The following HPSE2 variants were observed in gnomAD, a reference collection of about 807,000 sequenced individuals.
HPSE2 encodes the protein inactive heparanase-2.
HPSE2 carries 38 observed loss-of-function variants against 60.5 expected under a neutral mutation model. The observed-to-expected ratio is 0.63, with a 90% CI of 0.48 to 0.82. The LOEUF is 0.82. Among genes scored for constraint, HPSE2 ranks in the 40% least tolerant of loss-of-function variants. HPSE2 has a pLI of 0.00. For synonymous variants in HPSE2, 295 were observed against 293.2 expected, an observed-to-expected ratio of 1.01 and a Z score of -0.06; for missense variants, 713 against 740.4, an observed-to-expected ratio of 0.96 and a Z score of 0.43.
At chr10:99,065,182 G>T (rs947749385) in intron 3 of HPSE2, among the ~76,000 whole-genome samples, 1 of 152,002 alleles carries the variant, frequency 6.6e-6, no homozygotes, top group African/African-American at 2.4e-5. Flanking sequence ...CATTTTCAGG[G>T]AAGACAATAT....
At chr10:98,799,306 T>G (rs1024434747) in intron 3 of HPSE2, among the ~76,000 whole-genome samples, 4 of 152,108 alleles carry the variant, frequency 2.6e-5, no homozygotes, top group Admixed American at 1.3e-4. Context: ...TTATTAGAGC[T>G]AAAGAGAGAG....
chr10:98,837,327 G>C (rs1015072412), intron 3 of HPSE2, among the ~76,000 whole-genome samples: 1 of 152,152 alleles, frequency 6.6e-6, no homozygotes, highest in African/African-American at 2.4e-5. Flanking sequence ...AAACTAATTA[G>C]AATGGGAGCT....
At chr10:98,745,903 C>T (rs1331121683) in intron 3 of HPSE2, among the ~76,000 whole-genome samples, 1 of 152,076 alleles carries the variant, frequency 6.6e-6, no homozygotes, top group African/African-American at 2.4e-5. Context: ...ACCCCATTAG[C>T]AATTTTGTTA....
At chr10:98,600,938 T>TATATATAG (rs1945406120) in intron 9 of HPSE2, among the ~76,000 whole-genome samples, 1 of 62,424 alleles carries the variant, frequency 1.6e-5, no homozygotes, top group Non-Finnish European at 3.8e-5. Context: ...TATATATATA[T>TATATATAG]ATAGAAAGAG....
chr10:98,915,067 ATAATT>A (rs1954080271), intron 3 of HPSE2, among the ~76,000 whole-genome samples: 1 of 151,408 alleles, frequency 6.6e-6, no homozygotes, highest in Admixed American at 6.6e-5. Context: ...CTTTGATGAT[ATAATT>A]ATTTTTCTTC....
intron 11 of HPSE2, chr10:98,461,933 C>G (rs1940309110): frequency 1.2e-6 from 1 of 800,192 alleles, no homozygotes; most frequent in Non-Finnish European, 2.1e-6. Flanking sequence ...GGTTAAAAAG[C>G]TAAGAGTAGA....
At chr10:98,767,811 C>T (rs2488838) in intron 3 of HPSE2, among the ~76,000 whole-genome samples, 122,662 of 144,796 alleles carry the variant, frequency 0.85, 52,061 homozygotes, top group African/African-American at 0.91. Context: ...ATATACTATA[C>T]ACTTATTTAA....
In HPSE2 at chr10:98,543,700, T is replaced by G. The variant is rs546483605; in HGVS notation, c.1321-53504A>C. On this transcript the variant is annotated intron_variant, in intron 9 of 11. Coordinates refer to ENST00000370552, the MANE Select transcript of HPSE2 (RefSeq NM_021828.5). ...AATCCTAGTCTCTGATAAAACAGAC[T>G]TAAAACCAACAAAGATCAAAAGAGA... 3.9e-3 allele frequency among the ~76,000 whole-genome samples: 585 copies of G among 151,920 alleles called. 7 individuals carry two copies. The highest frequency in any genetic ancestry group is 0.013 in the African/African-American group (553 of 41,396).
the HPSE2 span, among the ~76,000 whole-genome samples, chr10:99,314,208 G>T: frequency 6.6e-6 from 1 of 152,172 alleles, no homozygotes; most frequent in East Asian, 1.9e-4. Flanking sequence ...TGCAGCCCAG[G>T]CTGGAATGCA....
rs564764847 is a variant in HPSE2, at chr10:98,684,258, T to C, written c.1004+9642A>G. 4.6e-5 allele frequency among the ~76,000 whole-genome samples: 7 copies of C among 152,086 alleles called. No homozygotes were observed. In the East Asian group the frequency reaches 1.4e-3, roughly 29 times the overall value. On this transcript the variant is annotated intron_variant, in intron 6 of 11. Transcript: ENST00000370552. ...AAACACGGCAATCAACCCGTCCAGATGGGAACAGAAGGAGGGATGGCTCCA... is the reference window on the plus strand; with the variant it reads ...AAACACGGCAATCAACCCGTCCAGACGGGAACAGAAGGAGGGATGGCTCCA...
At chr10:99,250,142 CA>C in the HPSE2 span, among the ~76,000 whole-genome samples, 56 of 137,368 alleles carry the variant, frequency 4.1e-4, 1 homozygote, top group South Asian at 4.6e-4. Context: ...AACTCCATCT[CA>C]AAAAAAAAAA....
chr10:98,634,605 A>G (rs1320059849), intron 7 of HPSE2, among the ~76,000 whole-genome samples: 3 of 152,196 alleles, frequency 2.0e-5, no homozygotes. Flanking sequence ...TAAAAGCAAG[A>G]ATTTCTTTTA....
intron 7 of HPSE2, among the ~76,000 whole-genome samples, chr10:98,629,561 T>C (rs936108229): frequency 3.3e-5 from 5 of 152,226 alleles, no homozygotes; most frequent in Non-Finnish European, 7.3e-5. Flanking sequence ...ATTGACTCTG[T>C]CCTCTTCTTC....
chr10:98,811,010 A>G (rs1159391381), intron 3 of HPSE2, among the ~76,000 whole-genome samples: 1 of 152,090 alleles, frequency 6.6e-6, no homozygotes, highest in Non-Finnish European at 1.5e-5. Flanking sequence ...CGCTCTTAAG[A>G]TAAAAAATTA....
chr10:98,602,573 G>A (rs1379925997), intron 9 of HPSE2, among the ~76,000 whole-genome samples: 1 of 152,034 alleles, frequency 6.6e-6, no homozygotes, highest in African/African-American at 2.4e-5. Flanking sequence ...ATAATCTCTT[G>A]ATTACTGTAC....
Position 98,939,814 on chromosome 10 carries a change from T to A in HPSE2, c.611-195758A>T, listed in dbSNP as rs144710670. On this transcript the variant is annotated intron_variant, in intron 3 of 11. Transcript: ENST00000370552. Reference sequence around the variant, plus strand: ...GCACCACACCACACCTATTCCAAAATTGACCACATAGGTGGAAGTAAAGCT... The same window carrying A: ...GCACCACACCACACCTATTCCAAAAATGACCACATAGGTGGAAGTAAAGCT... Among the ~76,000 whole-genome samples the A allele has an allele frequency of 1.4e-5, 2 of 143,584 alleles. 1 individual carries two copies. The highest frequency in any genetic ancestry group is 3.0e-5 in the Non-Finnish European group (2 of 67,162). The allele number at this position is 143,584 out of a possible 152,430, so 94.2% of individuals were successfully genotyped here.
chr10:98,748,062 G>A (rs914968066), intron 3 of HPSE2, among the ~76,000 whole-genome samples: 1 of 152,156 alleles, frequency 6.6e-6, no homozygotes, highest in African/African-American at 2.4e-5. Context: ...ACTTTGGGAG[G>A]CTGAGGTGGG....
At chr10:99,055,521 T>C (rs1179169286) in intron 3 of HPSE2, among the ~76,000 whole-genome samples, 1 of 152,096 alleles carries the variant, frequency 6.6e-6, no homozygotes, top group Non-Finnish European at 1.5e-5. Flanking sequence ...TGAAGGAAAC[T>C]GGAGCTGATA....
rs1589555739 is a variant in HPSE2, at chr10:98,641,933, T to C, written c.1012A>G (p.Ile338Val). 6.2e-7 allele frequency: 1 copy of C among 1,612,284 alleles called. No homozygotes were observed. The highest frequency in any genetic ancestry group is 8.5e-7 in the Non-Finnish European group (1 of 1,178,490). ...ATCACCTTGACCACCCGGCCATCAA[T>C]GTAGCAACTGGAATAAAAATAAAAT... The part of the protein sequence containing the change: ...VDAVTWQHCY[I>V]DGRVVKVMDF... Residue 338 changes from isoleucine to valine, a missense_variant, in exon 7 of 12, where the codon ATT becomes GTT. By Grantham distance (29) the Ile-to-Val change is conservative. Transcript: ENST00000370552.
Sources: allele counts gnomAD v4.1 joint callset (sites outside exome capture counted in the v4.1 genomes callset), GRCh38; gene constraint gnomAD v4.1.1; transcripts MANE v1.5; gene names NCBI Gene and HGNC (gene_info 2026-07-23, HGNC 2026-07-21).